OPCML: variants seen among roughly 807,000 people sequenced by gnomAD.
OPCML encodes opioid binding protein/cell adhesion molecule like.
A neutral mutation model predicts 37.8 loss-of-function variants in OPCML; 13 were observed. That is an observed-to-expected ratio of 0.34 (90% CI 0.22 to 0.55). The LOEUF (loss-of-function observed/expected upper bound fraction) is 0.55. Ranked by LOEUF, OPCML falls within the 20% of genes least tolerant of loss-of-function variation. The probability of loss-of-function intolerance (pLI) is 0.91; values close to 1 mark genes in which losing one functional copy is unlikely to be tolerated. For synonymous variants in OPCML, 176 were observed against 168.8 expected (o/e 1.04, Z -0.33); for missense variants, 341 against 435.6 (o/e 0.78, Z 1.93).
chr11:132,836,849 G>A (rs1332009835), intron 2 of OPCML, among the ~76,000 whole-genome samples: 3 of 152,264 alleles, frequency 2.0e-5, no homozygotes, highest in East Asian at 1.9e-4. Flanking sequence ...GGCAGGGAGA[G>A]GTGAAAGCGC....
chr11:132,918,494 G>A (rs775934886), intron 2 of OPCML, among the ~76,000 whole-genome samples: 1 of 152,186 alleles, frequency 6.6e-6, no homozygotes, highest in Non-Finnish European at 1.5e-5. Context: ...CATACAGCGT[G>A]TGCACTTTAC....
chr11:133,153,533 G>A (rs1319732420), intron 1 of OPCML, among the ~76,000 whole-genome samples: 1 of 152,110 alleles, frequency 6.6e-6, no homozygotes, highest in Non-Finnish European at 1.5e-5. Context: ...CTCTGCACCC[G>A]GGCCTGCTCA....
chr11:133,355,566 G>A (rs1015497187), intron 1 of OPCML, among the ~76,000 whole-genome samples: 1 of 152,200 alleles, frequency 6.6e-6, no homozygotes, highest in Non-Finnish European at 1.5e-5. Flanking sequence ...GAAGTATTCA[G>A]CCTAAGAACT....
intron 1 of OPCML, among the ~76,000 whole-genome samples, chr11:133,176,941 T>A (rs1303663492): frequency 6.6e-6 from 1 of 152,176 alleles, no homozygotes; most frequent in Non-Finnish European, 1.5e-5. Context: ...ACCCTGACCC[T>A]GGCCCAGCCA....
chr11:133,251,999 C>T (rs984399471), intron 1 of OPCML, among the ~76,000 whole-genome samples: 5 of 152,152 alleles, frequency 3.3e-5, no homozygotes, highest in Middle Eastern at 3.2e-3. Context: ...GGCCTCCCCC[C>T]AGAGTCGACA....
At chr11:133,369,352 G>T (rs1179856006) in intron 1 of OPCML, among the ~76,000 whole-genome samples, 1 of 152,150 alleles carries the variant, frequency 6.6e-6, no homozygotes, top group Non-Finnish European at 1.5e-5. Flanking sequence ...AGGCAGTACT[G>T]CAATGAATAT....
intron 4 of OPCML, among the ~76,000 whole-genome samples, chr11:132,470,739 G>T (rs903523902): frequency 3.9e-5 from 6 of 152,300 alleles, no homozygotes; most frequent in South Asian, 2.1e-4. Flanking sequence ...AGGTCATCCA[G>T]TTACCAAGTG....
At chr11:132,855,072 A>G (rs765419094) in intron 2 of OPCML, among the ~76,000 whole-genome samples, 2 of 152,226 alleles carry the variant, frequency 1.3e-5, no homozygotes, top group African/African-American at 2.4e-5. Context: ...AGGGGCCTGA[A>G]TTCTGCTAAA....
intron 1 of OPCML, among the ~76,000 whole-genome samples, chr11:133,305,044 A>G (rs553621532): frequency 9.2e-5 from 14 of 152,182 alleles, no homozygotes; most frequent in Non-Finnish European, 1.6e-4. Flanking sequence ...GCAGCTTTTC[A>G]TGCAGAGAGT....
intron 3 of OPCML, among the ~76,000 whole-genome samples, chr11:132,562,005 G>C (rs1233146018): frequency 1.3e-5 from 2 of 152,150 alleles, no homozygotes; most frequent in Non-Finnish European, 2.9e-5. Flanking sequence ...AAGGCTTCCA[G>C]GGTTAAAGAT....
In OPCML at chr11:132,797,854, A is replaced by T. The variant is rs1938419831; in HGVS notation, c.147-140535T>A. Among the ~76,000 whole-genome samples the T allele has an allele frequency of 3.3e-5, 5 of 152,126 alleles. No homozygotes were observed. The South Asian group carries it at 1.0e-3, about 32-fold the overall frequency. Reference sequence around the variant, plus strand: ...TCTTTCATGATGTTGATGGCTGCTGACTGATCAGGGTGGTGGTTGCTGAAG... The same window carrying T: ...TCTTTCATGATGTTGATGGCTGCTGTCTGATCAGGGTGGTGGTTGCTGAAG... On this transcript the variant is annotated intron_variant, in intron 2 of 7. Transcript: ENST00000524381.
intron 1 of OPCML, among the ~76,000 whole-genome samples, chr11:133,484,974 C>G (rs1172119842): frequency 6.6e-6 from 1 of 151,532 alleles, no homozygotes; most frequent in Non-Finnish European, 1.5e-5. Flanking sequence ...TAGCAAAAAC[C>G]AACAGCAAAT....
chr11:133,064,920 TGA>T, intron 1 of OPCML: 1 of 151,880 alleles, frequency 6.6e-6, no homozygotes, highest in Non-Finnish European at 1.5e-5. Context: ...ATACAAGATA[TGA>T]AGCATAGTAC....
chr11:133,494,370 G>A (rs1427408755), intron 1 of OPCML, among the ~76,000 whole-genome samples: 2 of 151,392 alleles, frequency 1.3e-5, no homozygotes, highest in African/African-American at 2.4e-5. Context: ...CCCATTACTG[G>A]GTATATACCC....
chr11:132,990,901 G>T (rs1361163142), intron 1 of OPCML, among the ~76,000 whole-genome samples: 2 of 152,132 alleles, frequency 1.3e-5, no homozygotes, highest in Admixed American at 6.5e-5. Context: ...AAAATAAATT[G>T]CACAAAGCTT....
intron 2 of OPCML, among the ~76,000 whole-genome samples, chr11:132,660,506 A>T (rs569840549): frequency 9.2e-5 from 14 of 152,242 alleles, no homozygotes; most frequent in Admixed American, 9.2e-4. Context: ...ATATGATACC[A>T]TTTTACCAGG....
At chr11:132,836,493 T>G (rs774324409) in intron 2 of OPCML, among the ~76,000 whole-genome samples, 2 of 152,216 alleles carry the variant, frequency 1.3e-5, no homozygotes, top group Non-Finnish European at 2.9e-5. Context: ...TGGCAATAAT[T>G]AAAATATTAC....
intron 1 of OPCML, among the ~76,000 whole-genome samples, chr11:133,253,732 C>T (rs1449282070): frequency 6.6e-6 from 1 of 152,118 alleles, no homozygotes; most frequent in South Asian, 2.1e-4. Context: ...TAAAACAAAG[C>T]AAGAAAACAA....
Position 132,441,165 on chromosome 11 carries a change from G to GTTTTTTTTTTT in OPCML, c.506-3817_506-3807dup, listed in dbSNP as rs68143578. Reference sequence around the variant, plus strand: ...AGATGTGTTCACCAAGGACTTTTTTGTTTTTTTTTTTTTTTTTTTTGAGAC... The same window carrying GTTTTTTTTTTT: ...AGATGTGTTCACCAAGGACTTTTTTGTTTTTTTTTTTTTTTTTTTTTTTTTTTTTTTGAGAC... On this transcript the variant is annotated intron_variant, in intron 4 of 7. Transcript: ENST00000524381. Among the ~76,000 whole-genome samples, 8 of 72,402 alleles carry GTTTTTTTTTTT rather than the reference G, an allele frequency of 1.1e-4. No homozygotes were observed. The South Asian group carries it at 1.8e-3, about 16-fold the overall frequency. The allele number at this position is 72,402 out of a possible 152,430, so 47.5% of individuals were successfully genotyped here.
Sources: allele counts gnomAD v4.1 joint callset (sites outside exome capture counted in the v4.1 genomes callset), GRCh38; gene constraint gnomAD v4.1.1; transcripts MANE v1.5; gene names NCBI Gene and HGNC (gene_info 2026-07-23, HGNC 2026-07-21).